Variants in TXLNG observed in about 807,000 individuals in gnomAD.
TXLNG encodes the protein gamma-taxilin.
TXLNG carries 5 observed loss-of-function variants against 38.8 expected under a neutral mutation model. The ratio of observed to expected loss-of-function variants is 0.13; its 90% CI spans 0.07 to 0.27. The LOEUF (loss-of-function observed/expected upper bound fraction) is 0.27, where lower values mean the gene tolerates loss of function less well. Among genes scored for constraint, TXLNG ranks in the 10% least tolerant of loss-of-function variants. The pLI, the probability that TXLNG is intolerant of heterozygous loss-of-function variation, is 1.00. For missense variants in TXLNG, 393 were observed against 398.2 expected (o/e 0.99, Z 0.11); for synonymous variants, 182 against 158.2 (o/e 1.15, Z -1.13).
Position 16,841,000 on chromosome X carries a change from T to G in TXLNG, c.1249-428T>G, listed in dbSNP as rs182029185. On this transcript the variant is annotated intron_variant, in intron 9 of 9. Transcript: ENST00000380122. ...TCACGAGGTCAGGAAATCAAGACCA[T>G]CCTGGCCAACATGGTGAAACTCCAT... 2.5e-3 allele frequency among the ~76,000 whole-genome samples: 278 copies of G among 109,664 alleles called. 10 individuals carry two copies. Among genetic ancestry groups the G allele is most frequent in the Admixed American group, 0.018 (188 of 10,284 alleles).
At chrX:16,821,140 CT>C (rs1555993594) in intron 3 of TXLNG, among the ~76,000 whole-genome samples, 22 of 9,973 alleles carry the variant, frequency 2.2e-3, no homozygotes, top group East Asian at 7.8e-3. Flanking sequence ...TTCTTTCTTT[CT>C]TTTTTTTTTT....
chrX:16,831,171 C>T (rs1003182524), intron 5 of TXLNG, among the ~76,000 whole-genome samples: 5 of 112,153 alleles, frequency 4.5e-5, no homozygotes, highest in East Asian at 2.8e-4. Context: ...CAATGGCTCA[C>T]GCCTGTAATC....
At chrX:16,839,096 C>CA (rs1434823652) in intron 8 of TXLNG, among the ~76,000 whole-genome samples, 4 of 112,288 alleles carry the variant, frequency 3.6e-5, no homozygotes, top group Non-Finnish European at 7.5e-5. Flanking sequence ...TAGCTAGCTA[C>CA]AGGCATGGAT....
intron 1 of TXLNG, among the ~76,000 whole-genome samples, chrX:16,806,876 C>T (rs1446057410): frequency 6.0e-5 from 6 of 100,804 alleles, no homozygotes; most frequent in African/African-American, 2.2e-4. Flanking sequence ...GAGGTCGTGC[C>T]ACTGCACTCC....
chrX:16,807,071 G>A (rs1050497221), intron 1 of TXLNG, among the ~76,000 whole-genome samples: 5 of 111,248 alleles, frequency 4.5e-5, no homozygotes, highest in Admixed American at 2.9e-4. Flanking sequence ...GTGATGGAGC[G>A]AGACTCTGTC....
chrX:16,827,027 G>A (rs1044874872), intron 3 of TXLNG, among the ~76,000 whole-genome samples: 2 of 108,664 alleles, frequency 1.8e-5, no homozygotes, highest in Non-Finnish European at 3.8e-5. Context: ...TCATGAGTTT[G>A]AGACCAGTCT....
chrX:16,819,378 A>G (rs1017342661), intron 2 of TXLNG, among the ~76,000 whole-genome samples: 174 of 110,624 alleles, frequency 1.6e-3, no homozygotes, highest in African/African-American at 5.3e-3. Flanking sequence ...TTTTGAAGTC[A>G]CCCTTTTTCC....
intron 5 of TXLNG, among the ~76,000 whole-genome samples, chrX:16,830,915 A>T (rs112988161): frequency 0.037 from 3,114 of 84,012 alleles, 197 homozygotes; most frequent in African/African-American, 0.14. Context: ...TAAATTGCCC[A>T]GGCTGGTCTT....
At chrX:16,827,980 A>C in intron 3 of TXLNG, 114 bp from the exon 4 acceptor site, 1 of 611,569 alleles carries the variant, frequency 1.6e-6, no homozygotes, top group Non-Finnish European at 2.4e-6. Context: ...ATAATATATT[A>C]AACCATAGTA....
intron 9 of TXLNG, chrX:16,840,311 G>A (rs1929747746): frequency 3.4e-6 from 1 of 294,172 alleles, no homozygotes; most frequent in Non-Finnish European, 4.6e-6. Context: ...CTTGGGGGCG[G>A]AGGCAGATAA....
intron 5 of TXLNG, 44 bp downstream of exon 5, chrX:16,829,814 A>G (rs1929319619): frequency 2.6e-6 from 3 of 1,157,476 alleles, no homozygotes; most frequent in Non-Finnish European, 3.5e-6. Context: ...AAGATTAGCA[A>G]AAGTGTCACC....
chrX:16,805,248 G>T (rs1040949476), intron 1 of TXLNG, among the ~76,000 whole-genome samples: 4 of 108,452 alleles, frequency 3.7e-5, no homozygotes, highest in African/African-American at 1.3e-4. Context: ...CTTGCATAGT[G>T]TTGGGATTAC....
chrX:16,813,486 A>T (rs758600514), intron 1 of TXLNG, among the ~76,000 whole-genome samples: 3 of 101,938 alleles, frequency 2.9e-5, no homozygotes, highest in Non-Finnish European at 4.0e-5. Context: ...CTACAAAATT[A>T]AAAAAAAAAA....
chrX:16,830,309 A>G (rs1418742624), intron 5 of TXLNG, among the ~76,000 whole-genome samples: 2 of 108,814 alleles, frequency 1.8e-5, no homozygotes, highest in Non-Finnish European at 3.8e-5. Context: ...TGGCTAATGA[A>G]CTTGGCCATT....
Position 16,824,997 on chromosome X carries a change from C to T in TXLNG, c.499-3097C>T, listed in dbSNP as rs773193086. Among the ~76,000 whole-genome samples the T allele has an allele frequency of 1.6e-3, 173 of 110,108 alleles. 2 individuals are homozygous for T. The highest frequency in any genetic ancestry group is 5.9e-4 in the Non-Finnish European group (31 of 52,829). On this transcript the variant is annotated intron_variant, in intron 3 of 9. Coordinates refer to ENST00000380122, the MANE Select transcript of TXLNG (RefSeq NM_018360.3). ...ATTTCCAACAAATATAACCAGCAGG[C>T]GATTTAGTATCAAGAATATCTAAAG...
At chrX:16,816,948 A>G (rs1928768013) in intron 1 of TXLNG, among the ~76,000 whole-genome samples, 1 of 112,111 alleles carries the variant, frequency 8.9e-6, no homozygotes, top group Admixed American at 9.5e-5. Context: ...GAACACTACA[A>G]GCACCCCAGG....
At position 16,842,150 on chromosome X, in the gene TXLNG, GC is replaced by G. The variant is rs3833411; in HGVS notation, c.*395del. On this transcript the variant is annotated 3_prime_UTR_variant, in exon 10 of 10. Transcript: ENST00000380122. ...AAACAATATTAATTTAAACGTCTTA[GC>G]CCCCCCCCCCATAATATTATTCAGA... 19,378 of 96,203 alleles carry G rather than the reference GC, an allele frequency of 0.2. 2,081 individuals carry two copies. Among genetic ancestry groups the G allele is most frequent in the African/African-American group, 0.4 (10,142 of 25,671 alleles). The allele number at this position is 96,203 out of a possible 1,213,427, so 7.9% of individuals were successfully genotyped here. A position where few individuals can be genotyped will look rare whatever the true frequency, so the allele number is the denominator to read the frequency against.
chrX:16,829,692 C>G lies in TXLNG; in HGVS notation c.786C>G (p.Asn262Lys). 1 of 1,211,713 alleles carries G rather than the reference C, an allele frequency of 8.3e-7. No individual in the cohort carries two copies. Reference sequence around the variant, plus strand: ...AGCTGGAGCAGCATGACATCCACAACGCCAAACTCCGACAGGAAAACATTG... The same window carrying G: ...AGCTGGAGCAGCATGACATCCACAAGGCCAAACTCCGACAGGAAAACATTG... ...QAQLEQHDIH[N>K]AKLRQENIEL... is the part of the protein sequence containing the mutation. Residue 262 changes from asparagine to lysine, a missense_variant, in exon 5 of 10, where the codon AAC (asparagine) becomes AAG (lysine). Coordinates refer to ENST00000380122, the MANE Select transcript of TXLNG (RefSeq NM_018360.3).
At chrX:16,831,886 T>C (rs1292957646) in intron 5 of TXLNG, among the ~76,000 whole-genome samples, 1 of 112,313 alleles carries the variant, frequency 8.9e-6, no homozygotes, top group East Asian at 2.8e-4. Flanking sequence ...ATGTAGGGTA[T>C]TGTAACTGGA....
Sources: gnomAD v4.1 joint callset for allele counts (sites outside exome capture counted in the v4.1 genomes callset) on GRCh38, gnomAD v4.1.1 for gene constraint, MANE v1.5 for transcripts, NCBI Gene and HGNC (gene_info 2026-07-23, HGNC 2026-07-21) for gene names.